Variants in BCL9 observed in about 807,000 individuals in gnomAD.
The protein encoded by BCL9 is B-cell CLL/lymphoma 9 protein.
Under a neutral mutation model 88.5 loss-of-function variants are expected in BCL9, and 25 were observed. That is an observed-to-expected ratio of 0.28 (90% CI 0.21 to 0.39). The LOEUF (loss-of-function observed/expected upper bound fraction) is 0.39, where lower values mean the gene tolerates loss of function less well. BCL9 is among the 10% of genes least tolerant of loss of function. BCL9 has a pLI of 1.00. For synonymous variants in BCL9, 711 were observed against 673.3 expected (o/e 1.06, Z -0.87); for missense variants, 1,817 against 1,877.8 (o/e 0.97, Z 0.60).
At chr1:147,590,356 A>G (rs914844224) in intron 1 of BCL9, among the ~76,000 whole-genome samples, 1 of 152,214 alleles carries the variant, frequency 6.6e-6, no homozygotes. Flanking sequence ...TTCTTCAGCT[A>G]GCACCTGAAT....
rs2883312 is a variant in BCL9 at position 147,544,838 on chromosome 1, C to T, written c.-478+3164C>T. ...TGATATCAAAGATAGAATGTTTTTT[C>T]TCTCTCTCTCTCTCTTCCTCCTATT... is the stretch of plus-strand genomic sequence containing the variant. On this transcript the variant is annotated intron_variant, in intron 1 of 9. Transcript: ENST00000234739. 6.0e-3 allele frequency among the ~76,000 whole-genome samples: 893 copies of T among 150,082 alleles called. 10 individuals are homozygous for T. The highest frequency in any genetic ancestry group is 0.019 in the African/African-American group (792 of 41,236).
chr1:147,610,992 C>G (rs190487811), intron 3 of BCL9, among the ~76,000 whole-genome samples: 143 of 152,286 alleles, frequency 9.4e-4, no homozygotes, highest in Non-Finnish European at 1.4e-3. Context: ...TCATGGAAAT[C>G]AGGGGGCAGA....
chr1:147,584,274 T>C (rs985439882), intron 1 of BCL9, among the ~76,000 whole-genome samples: 7 of 152,160 alleles, frequency 4.6e-5, no homozygotes, highest in Non-Finnish European at 1.0e-4. Context: ...CTCCAACTCC[T>C]GACCTTAGGT....
intron 1 of BCL9, among the ~76,000 whole-genome samples, chr1:147,600,888 G>C (rs1428224588): frequency 6.6e-6 from 1 of 152,142 alleles, no homozygotes; most frequent in Admixed American, 6.5e-5. Context: ...GGGGGTCTTG[G>C]GACACACCAG....
At chr1:147,580,162 A>T (rs1553198462) in intron 1 of BCL9, among the ~76,000 whole-genome samples, 1 of 152,166 alleles carries the variant, frequency 6.6e-6, no homozygotes, top group Non-Finnish European at 1.5e-5. Context: ...ACAGACTCTC[A>T]TTGCAGGCAG....
At chr1:147,559,514 G>C (rs587613218) in intron 1 of BCL9, among the ~76,000 whole-genome samples, 4 of 152,278 alleles carry the variant, frequency 2.6e-5, no homozygotes, top group African/African-American at 7.2e-5. Flanking sequence ...GAAGCATTTT[G>C]CACAGAATTT....
chr1:147,618,694 C>G (rs1274530193), intron 7 of BCL9, 122 bp from the exon 8 acceptor site: 5 of 1,013,436 alleles, frequency 4.9e-6, no homozygotes, highest in Non-Finnish European at 5.4e-6. Flanking sequence ...TGAGCAATTT[C>G]TACAGCCAGT....
intron 1 of BCL9, among the ~76,000 whole-genome samples, chr1:147,544,415 C>T (rs1553194078): frequency 6.6e-6 from 1 of 152,218 alleles, no homozygotes; most frequent in Admixed American, 6.5e-5. Context: ...CCTCTCTCAC[C>T]ATCCTTCACT....
At position 147,616,855 on chromosome 1, in the gene BCL9, G is replaced by A. The variant is rs78807863; in HGVS notation, c.660+953G>A. Among the ~76,000 whole-genome samples, 762 of 152,190 alleles carry A rather than the reference G, an allele frequency of 5.0e-3. 8 individuals are homozygous for A. The highest frequency in any genetic ancestry group is 0.017 in the African/African-American group (718 of 41,534). ...AAAGATACTTCTTGTATCTGGCATCGTCAAGCCATTGCACCAAATGCTATG... is the reference window on the plus strand; with the variant it reads ...AAAGATACTTCTTGTATCTGGCATCATCAAGCCATTGCACCAAATGCTATG... On this transcript the variant is annotated intron_variant, in intron 7 of 9. Coordinates refer to ENST00000234739, the MANE Select transcript of BCL9 (RefSeq NM_004326.4).
At chr1:147,613,591 T>C (rs1658122546) in intron 5 of BCL9, among the ~76,000 whole-genome samples, 1 of 152,204 alleles carries the variant, frequency 6.6e-6, no homozygotes, top group African/African-American at 2.4e-5. Flanking sequence ...CTCTTCTCCA[T>C]CAGAGCAATC....
At position 147,541,604 on chromosome 1, in the gene BCL9, T is replaced by A. The variant is rs1654320932; in HGVS notation, c.-548T>A. The stretch of plus-strand genomic sequence containing the variant: ...GGCCAGGGATTGCGGGAAAAGGGTC[T>A]TTTTTGTCTTCATTCACTTTCCCCC... On this transcript the variant is annotated 5_prime_UTR_variant, in exon 1 of 10. Transcript: ENST00000234739. 1 of 152,180 alleles carries A rather than the reference T, an allele frequency of 6.6e-6. No homozygotes were observed. The highest frequency in any genetic ancestry group is 2.4e-5 in the African/African-American group (1 of 41,418). The allele number at this position is 152,180 out of a possible 1,614,324, so 9.4% of individuals were successfully genotyped here.
Position 147,620,469 on chromosome 1 carries a change from C to A in BCL9, c.2314C>A (p.His772Asn). 2.5e-6 allele frequency: 4 copies of A among 1,614,066 alleles called. No homozygotes were observed. Among genetic ancestry groups the A allele is most frequent in the Non-Finnish European group, 3.4e-6 (4 of 1,179,978 alleles). ...GATGGTGCCACTGCCATTTGGTGAG[C>A]ACCCCCAGCAGGAGTATGGCATGGG... ...QKMVPLPFGE[H>N]PQQEYGMGPR... Residue 772 changes from histidine to asparagine, a missense_variant, in exon 8 of 10, where the codon CAC (histidine) becomes AAC (asparagine). Physicochemically the swap from His to Asn is moderately conservative, Grantham distance 68. Coordinates refer to ENST00000234739, the MANE Select transcript of BCL9 (RefSeq NM_004326.4).
chr1:147,567,327 C>T (rs1313770970), intron 1 of BCL9, among the ~76,000 whole-genome samples: 14 of 152,050 alleles, frequency 9.2e-5, no homozygotes, highest in Admixed American at 5.2e-4. Context: ...TTTAAATCTC[C>T]TTAATGGAGA....
intron 6 of BCL9, among the ~76,000 whole-genome samples, chr1:147,615,317 TA>T (rs1658222350): frequency 6.6e-6 from 1 of 152,234 alleles, no homozygotes; most frequent in African/African-American, 2.4e-5. Context: ...TAAACATTTT[TA>T]TATATAAATT....
intron 1 of BCL9, among the ~76,000 whole-genome samples, chr1:147,567,283 A>C (rs2101518421): frequency 6.6e-6 from 1 of 152,292 alleles, no homozygotes; most frequent in Non-Finnish European, 1.5e-5. Flanking sequence ...TGAAGAAATC[A>C]AGTGAAATTT....
intron 1 of BCL9, among the ~76,000 whole-genome samples, chr1:147,570,862 T>C (rs2353543): frequency 0.47 from 70,605 of 151,720 alleles, 19,814 homozygotes; most frequent in African/African-American, 0.8. Context: ...CTCGAACTCC[T>C]GACCTCAGGT....
rs782144096 is a variant in BCL9, at chr1:147,569,626, G to A, written c.-478+27952G>A. 2.0e-5 allele frequency among the ~76,000 whole-genome samples: 3 copies of A among 151,732 alleles called. 1 individual carries two copies. The highest frequency in any genetic ancestry group is 4.4e-5 in the Non-Finnish European group (3 of 67,996). On this transcript the variant is annotated intron_variant, in intron 1 of 9. Transcript: ENST00000234739. The stretch of plus-strand genomic sequence containing the variant: ...GATCTCACCACTGCACTCCAGCCTG[G>A]ATAACAGAGTGAGACTCCGTCTCAC...
At chr1:147,566,346 G>C (rs782702244) in intron 1 of BCL9, among the ~76,000 whole-genome samples, 10 of 152,144 alleles carry the variant, frequency 6.6e-5, no homozygotes, top group Non-Finnish European at 1.5e-4. Context: ...GTATAGGCAG[G>C]AGTGGGTCTA....
chr1:147,620,269 G>A lies in BCL9; in HGVS notation c.2114G>A (p.Arg705Gln), dbSNP rs782785913. 2.5e-5 allele frequency: 40 copies of A among 1,613,962 alleles called. 1 individual carries two copies. In the Admixed American group the frequency reaches 4.5e-4, roughly 18 times the overall value. ...KGIPPQMGPG[R>Q]ELEFGMVPSG... is the part of the protein sequence containing the mutation. ...ATTCCCCCACAGATGGGCCCTGGTC[G>A]GGAACTTGAGTTTGGGATGGTTCCT... is the stretch of plus-strand genomic sequence containing the variant. The change falls in exon 8 of 10, where the codon CGG becomes CAG. Residue 705 changes from arginine to glutamine, a missense_variant. Coordinates refer to ENST00000234739, the MANE Select transcript of BCL9 (RefSeq NM_004326.4).
Sources: allele counts gnomAD v4.1 joint callset (sites outside exome capture counted in the v4.1 genomes callset), GRCh38; gene constraint gnomAD v4.1.1; transcripts MANE v1.5; gene names NCBI Gene and HGNC (gene_info 2026-07-23, HGNC 2026-07-21).